The following CACNA2D3 variants were observed in gnomAD, a reference collection of about 807,000 sequenced individuals.
CACNA2D3 encodes the protein calcium voltage-gated channel auxiliary subunit alpha2delta 3, also known as voltage-dependent calcium channel subunit alpha-2/delta-3.
A neutral mutation model predicts 160.6 loss-of-function variants in CACNA2D3; 60 were observed. The ratio of observed to expected loss-of-function variants is 0.37; its 90% CI spans 0.30 to 0.46. The LOEUF is 0.46. Ranked by LOEUF, CACNA2D3 falls within the 20% of genes least tolerant of loss-of-function variation. The pLI is 1.00. For missense variants in CACNA2D3, 1,205 were observed against 1,365.0 expected (o/e 0.88, Z 1.85); for synonymous variants, 558 against 492.9 (o/e 1.13, Z -1.75).
chr3:54,703,178 A>C (rs1700796801), intron 11 of CACNA2D3, among the ~76,000 whole-genome samples: 1 of 152,200 alleles, frequency 6.6e-6, no homozygotes, highest in East Asian at 1.9e-4. Flanking sequence ...AACGCCAGTG[A>C]CATGCAATTT....
rs182544455 is a variant in CACNA2D3, at chr3:54,727,090, G to A, written c.1168-25509G>A. ...AGAAAAACAACCCCATCAAAAAGTGGGCAAAGGATATGAACAGACACTTCT... is the reference window on the plus strand; with the variant it reads ...AGAAAAACAACCCCATCAAAAAGTGAGCAAAGGATATGAACAGACACTTCT... On this transcript the variant is annotated intron_variant, in intron 11 of 37. Coordinates refer to ENST00000474759, the MANE Select transcript of CACNA2D3 (RefSeq NM_018398.3). Among the ~76,000 whole-genome samples, 68 of 152,258 alleles carry A rather than the reference G, an allele frequency of 4.5e-4. 1 individual carries two copies. The highest frequency in any genetic ancestry group is 1.8e-3 in the Admixed American group (27 of 15,286).
intron 2 of CACNA2D3, among the ~76,000 whole-genome samples, chr3:54,218,350 G>C (rs1451924734): frequency 6.6e-6 from 1 of 152,196 alleles, no homozygotes; most frequent in Non-Finnish European, 1.5e-5. Context: ...TGCCCTGTGG[G>C]ATGTGGGACC....
At chr3:54,437,153 T>G (rs1700073395) in intron 4 of CACNA2D3, among the ~76,000 whole-genome samples, 1 of 152,234 alleles carries the variant, frequency 6.6e-6, no homozygotes, top group African/African-American at 2.4e-5. Context: ...TATTGGCTTG[T>G]GAGGATTTTA....
chr3:54,831,959 C>T (rs1012027368), intron 14 of CACNA2D3, among the ~76,000 whole-genome samples: 3 of 151,448 alleles, frequency 2.0e-5, no homozygotes, highest in South Asian at 2.1e-4. Context: ...GGTACCCTCC[C>T]GCCCTTTCCC....
intron 3 of CACNA2D3, among the ~76,000 whole-genome samples, chr3:54,345,236 G>A (rs768629334): frequency 1.6e-4 from 24 of 152,006 alleles, no homozygotes; most frequent in Non-Finnish European, 3.2e-4. Flanking sequence ...TTTTTTGAGC[G>A]AGATCCAAGA....
chr3:54,509,868 A>G (rs1701432146), intron 5 of CACNA2D3, among the ~76,000 whole-genome samples: 1 of 152,226 alleles, frequency 6.6e-6, no homozygotes, highest in Non-Finnish European at 1.5e-5. Flanking sequence ...GTTCAAGTCT[A>G]TTGGCAATGC....
At chr3:54,753,759 TTATG>T (rs1474519858) in intron 12 of CACNA2D3, among the ~76,000 whole-genome samples, 2 of 152,222 alleles carry the variant, frequency 1.3e-5, no homozygotes, top group Non-Finnish European at 2.9e-5. Context: ...TCAAATAAAA[TTATG>T]TATATTTATG....
intron 9 of CACNA2D3, among the ~76,000 whole-genome samples, chr3:54,593,534 A>G (rs1702899815): frequency 6.6e-6 from 1 of 152,188 alleles, no homozygotes; most frequent in Non-Finnish European, 1.5e-5. Context: ...GTGTCTTTAC[A>G]ATGAACCCCA....
At chr3:55,045,243 T>C (rs866433442) in intron 35 of CACNA2D3, among the ~76,000 whole-genome samples, 1 of 152,108 alleles carries the variant, frequency 6.6e-6, no homozygotes, top group Non-Finnish European at 1.5e-5. Flanking sequence ...AGAGATGGGG[T>C]TTCACCATGC....
chr3:54,238,451 G>T (rs1409506708), intron 2 of CACNA2D3, among the ~76,000 whole-genome samples: 1 of 152,142 alleles, frequency 6.6e-6, no homozygotes, highest in East Asian at 1.9e-4. Context: ...CCCACTATGT[G>T]GGCTTATTTT....
chr3:54,933,051 CCCTTCCTTCCTTCCTTCCTTCCTT>C (rs60554563), intron 27 of CACNA2D3, among the ~76,000 whole-genome samples: 27,962 of 139,462 alleles, frequency 0.2, 3,008 homozygotes, highest in Non-Finnish European at 0.24. Flanking sequence ...ATCCATCCCT[CCCTTCCTTCCTTCCTTCCTTCCTT>C]CCTTCCTTCC....
intron 11 of CACNA2D3, among the ~76,000 whole-genome samples, chr3:54,707,447 G>A (rs577456848): frequency 1.2e-4 from 18 of 152,306 alleles, no homozygotes; most frequent in Admixed American, 2.6e-4. Context: ...CAGTGCAAAA[G>A]ACATTCACAC....
At chr3:54,518,523 A>T (rs1701592364) in intron 5 of CACNA2D3, among the ~76,000 whole-genome samples, 1 of 152,140 alleles carries the variant, frequency 6.6e-6, no homozygotes, top group African/African-American at 2.4e-5. Flanking sequence ...TGGGCCAGTC[A>T]TCTGGGACCA....
At chr3:54,805,118 A>C (rs1049181629) in intron 13 of CACNA2D3, among the ~76,000 whole-genome samples, 2 of 152,232 alleles carry the variant, frequency 1.3e-5, no homozygotes, top group African/African-American at 2.4e-5. Context: ...CAAAATTGAC[A>C]CCCTAACATC....
chr3:54,805,722 C>A (rs1403677920), intron 13 of CACNA2D3, among the ~76,000 whole-genome samples: 1 of 152,144 alleles, frequency 6.6e-6, no homozygotes, highest in Non-Finnish European at 1.5e-5. Flanking sequence ...ATCATCCTGA[C>A]ACCAAAGCCG....
At chr3:54,319,105 G>A (rs558905257) in intron 2 of CACNA2D3, among the ~76,000 whole-genome samples, 4 of 151,056 alleles carry the variant, frequency 2.6e-5, no homozygotes, top group South Asian at 2.1e-4. Flanking sequence ...GTATTACTGC[G>A]TCAAAAGACT....
intron 11 of CACNA2D3, among the ~76,000 whole-genome samples, chr3:54,671,615 G>A (rs764996412): frequency 2.0e-4 from 30 of 152,076 alleles, no homozygotes; most frequent in Admixed American, 1.7e-3. Flanking sequence ...AGATGGCCAG[G>A]TGAGGTTCGT....
chr3:54,247,980 G>A (rs1702114282), intron 2 of CACNA2D3, among the ~76,000 whole-genome samples: 1 of 152,162 alleles, frequency 6.6e-6, no homozygotes, highest in Non-Finnish European at 1.5e-5. Flanking sequence ...AAATGTAACA[G>A]TCTTTCCTTA....
chr3:54,654,627 C>T (rs758761176), intron 11 of CACNA2D3, among the ~76,000 whole-genome samples: 2 of 152,026 alleles, frequency 1.3e-5, no homozygotes, highest in African/African-American at 2.4e-5. Flanking sequence ...GGCTGGGACC[C>T]GGACCTCTGG....
Sources: allele counts gnomAD v4.1 joint callset (sites outside exome capture counted in the v4.1 genomes callset), GRCh38; gene constraint gnomAD v4.1.1; transcripts MANE v1.5; gene names NCBI Gene and HGNC (gene_info 2026-07-23, HGNC 2026-07-21).